Variants in RBM41 observed in about 807,000 individuals in gnomAD.
The protein encoded by RBM41 is RNA binding motif protein 41.
A neutral mutation model predicts 30.8 loss-of-function variants in RBM41; 14 were observed. The observed-to-expected ratio is 0.45, with a 90% CI of 0.30 to 0.71. The LOEUF (loss-of-function observed/expected upper bound fraction) is 0.71. RBM41 is among the 30% of genes least tolerant of loss of function. The pLI, the probability that RBM41 is intolerant of heterozygous loss-of-function variation, is 0.08. For missense variants in RBM41, 276 were observed against 326.3 expected, an observed-to-expected ratio of 0.85 and a Z score of 1.19; for synonymous variants, 120 against 110.1, an observed-to-expected ratio of 1.09 and a Z score of -0.56.
chrX:107,067,356 T>C lies in RBM41; in HGVS notation c.*171A>G. ...CTGTCCTATATAGTCTTCAATTATA[T>C]AATAGAAAATGTTTTCTACCAGTTC... is the stretch of plus-strand genomic sequence containing the variant. On this transcript the variant is annotated 3_prime_UTR_variant, in exon 8 of 8. Coordinates refer to ENST00000685964, the MANE Select transcript of RBM41 (RefSeq NM_001324242.2). The C allele has an allele frequency of 1.9e-6, 2 of 1,063,551 alleles. No homozygotes were observed. Among genetic ancestry groups the C allele is most frequent in the Non-Finnish European group, 2.4e-6 (2 of 823,409 alleles). The allele number at this position is 1,063,551 out of a possible 1,213,427, so 87.6% of individuals were successfully genotyped here. A position where few individuals can be genotyped will look rare whatever the true frequency, so the allele number is the denominator to read the frequency against.
At chrX:107,112,795 T>C (rs1242880968) in intron 5 of RBM41, 3 of 321,126 alleles carry the variant, frequency 9.3e-6, no homozygotes, top group African/African-American at 8.0e-5. Context: ...TTACATGTTG[T>C]GTGATTCCAT....
At position 107,107,518 on chromosome X, in the gene RBM41, C is replaced by T. The variant is rs190629022; in HGVS notation, c.595+5879G>A. On this transcript the variant is annotated intron_variant, in intron 5 of 7. Transcript: ENST00000685964. ...GATAGATTGTTGAACAAGGGAGAGG[C>T]TCTAACCAATAACAGAGACGAGAAA... is the stretch of plus-strand genomic sequence containing the variant. 4.5e-5 allele frequency among the ~76,000 whole-genome samples: 5 copies of T among 111,700 alleles called. No individual in the cohort carries two copies. In the East Asian group the frequency reaches 1.4e-3, roughly 31 times the overall value.
At chrX:107,071,403 G>C (rs1002435508) in intron 6 of RBM41, among the ~76,000 whole-genome samples, 9 of 111,076 alleles carry the variant, frequency 8.1e-5, no homozygotes, top group African/African-American at 2.9e-4. Flanking sequence ...CTATATGCTA[G>C]CTATTCTATG....
intron 5 of RBM41, among the ~76,000 whole-genome samples, chrX:107,104,629 C>T (rs991913623): frequency 9.9e-5 from 11 of 111,166 alleles, no homozygotes; most frequent in Non-Finnish European, 1.9e-4. Flanking sequence ...TTGTCAAAGG[C>T]CTTTTCTGCA....
chrX:107,058,612 C>T (rs1269703717), downstream of RBM41, among the ~76,000 whole-genome samples: 1 of 111,422 alleles, frequency 9.0e-6, no homozygotes, highest in African/African-American at 3.3e-5. Context: ...GATCACATGC[C>T]CTTAACCATT....
At chrX:107,115,609 T>A in intron 3 of RBM41, 53 bp from the exon 4 acceptor site, 2 of 1,060,132 alleles carry the variant, frequency 1.9e-6, no homozygotes, top group Non-Finnish European at 2.6e-6. Flanking sequence ...AACCTGAACA[T>A]GATGATCTGG....
In RBM41 at chrX:107,067,338, A is replaced by C. The variant is rs1935878320; in HGVS notation, c.*189T>G. 9.7e-7 allele frequency: 1 copy of C among 1,032,728 alleles called. No individual in the cohort carries two copies. Among genetic ancestry groups the C allele is most frequent in the Middle Eastern group, 4.0e-4 (1 of 2,506 alleles). The allele number at this position is 1,032,728 out of a possible 1,213,427, so 85.1% of individuals were successfully genotyped here. ...TCATACTCAGCATATCATCTGTCCT[A>C]TATAGTCTTCAATTATATAATAGAA... On this transcript the variant is annotated 3_prime_UTR_variant, in exon 8 of 8. Transcript: ENST00000685964.
intron 6 of RBM41, among the ~76,000 whole-genome samples, chrX:107,071,874 A>G (rs944516578): frequency 1.8e-5 from 2 of 111,993 alleles, no homozygotes; most frequent in African/African-American, 6.5e-5. Context: ...TATTCAACAT[A>G]GTACTGGAAG....
Position 107,113,377 on chromosome X carries a change from T to C in RBM41, c.595+20A>G. 1.0e-6 allele frequency: 1 copy of C among 982,591 alleles called. No homozygotes were observed. Among genetic ancestry groups the C allele is most frequent in the Non-Finnish European group, 1.3e-6 (1 of 755,998 alleles). 81.0% of individuals were successfully genotyped at this position (982,591 alleles called of 1,213,427 possible). A position where few individuals can be genotyped will look rare whatever the true frequency, so the allele number is the denominator to read the frequency against. ...GGTTACATTCCTAAGTCTAACACTATAAGAAAACTCTCGACTTGCCTTTTG... is the reference window on the plus strand; with the variant it reads ...GGTTACATTCCTAAGTCTAACACTACAAGAAAACTCTCGACTTGCCTTTTG... On this transcript the variant is annotated intron_variant, in intron 5 of 7. Transcript: ENST00000685964.
chrX:107,058,937 A>G (rs967962993), downstream of RBM41, among the ~76,000 whole-genome samples: 8 of 110,446 alleles, frequency 7.2e-5, no homozygotes, highest in Non-Finnish European at 1.5e-4. Context: ...ACCAGATGGG[A>G]TCTAAACTCC....
At chrX:107,108,704 T>C (rs747496423) in intron 5 of RBM41, among the ~76,000 whole-genome samples, 20 of 111,925 alleles carry the variant, frequency 1.8e-4, no homozygotes, top group African/African-American at 6.1e-4. Context: ...GTTTGTAGCA[T>C]TTCGACTTTC....
At chrX:107,072,090 C>T (rs1343282490) in intron 6 of RBM41, among the ~76,000 whole-genome samples, 2 of 111,424 alleles carry the variant, frequency 1.8e-5, no homozygotes, top group South Asian at 3.8e-4. Flanking sequence ...CAACAATGCT[C>T]ACTCTCACCA....
intron 6 of RBM41, among the ~76,000 whole-genome samples, chrX:107,075,957 A>G (rs1936209162): frequency 8.9e-6 from 1 of 111,977 alleles, no homozygotes; most frequent in African/African-American, 3.2e-5. Context: ...AATACTCACA[A>G]TAGTCAACAG....
At chrX:107,118,600 T>C (rs1383755880) in intron 1 of RBM41, among the ~76,000 whole-genome samples, 166 bp downstream of exon 1, 4 of 111,706 alleles carry the variant, frequency 3.6e-5, no homozygotes, top group Admixed American at 9.4e-5. Flanking sequence ...TGCAGGCCTG[T>C]TCAGCCCGTC....
At chrX:107,075,656 G>C (rs1262949687) in intron 6 of RBM41, among the ~76,000 whole-genome samples, 4 of 111,473 alleles carry the variant, frequency 3.6e-5, no homozygotes, top group African/African-American at 1.3e-4. Flanking sequence ...TATCAACAGA[G>C]AAACGCAAAT....
Position 107,080,123 on chromosome X carries a change from A to G in RBM41, c.999+8313T>C, listed in dbSNP as rs149667905. 4.5e-5 allele frequency among the ~76,000 whole-genome samples: 5 copies of G among 111,643 alleles called. No individual in the cohort carries two copies. In the East Asian group the frequency reaches 1.1e-3, roughly 25 times the overall value. On this transcript the variant is annotated intron_variant, in intron 6 of 7. Transcript: ENST00000685964. Reference sequence around the variant, plus strand: ...TTTTTGTTGAACACAGGCTTTTCAAATCAACTGGGTAAATAAGTAGGAATG... The same window carrying G: ...TTTTTGTTGAACACAGGCTTTTCAAGTCAACTGGGTAAATAAGTAGGAATG...
intron 5 of RBM41, among the ~76,000 whole-genome samples, chrX:107,091,957 T>C (rs1019167933): frequency 8.9e-6 from 1 of 111,908 alleles, no homozygotes; most frequent in Non-Finnish European, 1.9e-5. Context: ...CATACTGTTA[T>C]GAATAATGTC....
At chrX:107,060,786 G>A (rs1152330), downstream of RBM41, among the ~76,000 whole-genome samples, 40,453 of 110,221 alleles carry the variant, frequency 0.37, 8,095 homozygotes, top group African/African-American at 0.76. Flanking sequence ...AACAGCCTCA[G>A]TGCATCTTCC....
intron 6 of RBM41, chrX:107,070,266 A>T (rs1242706632): frequency 3.0e-6 from 1 of 331,645 alleles, no homozygotes; most frequent in East Asian, 9.7e-5. Context: ...AATGCCATAC[A>T]TGGCTGAAGA....
Sources: allele counts gnomAD v4.1 joint callset (sites outside exome capture counted in the v4.1 genomes callset), GRCh38; gene constraint gnomAD v4.1.1; transcripts MANE v1.5; gene names NCBI Gene and HGNC (gene_info 2026-07-23, HGNC 2026-07-21).